The following DLC1 variants were observed in gnomAD, a reference collection of about 807,000 sequenced individuals.
DLC1 encodes the protein DLC1 Rho GTPase activating protein, also known as rho GTPase-activating protein 7.
Under a neutral mutation model 140.3 loss-of-function variants are expected in DLC1, and 54 were observed. That is an observed-to-expected ratio of 0.38 (90% CI 0.31 to 0.48). DLC1 has a LOEUF of 0.48. DLC1 is among the 20% of genes least tolerant of loss of function. The pLI, the probability that DLC1 is intolerant of heterozygous loss-of-function variation, is 0.96. For synonymous variants in DLC1, 986 were observed against 728.1 expected, an observed-to-expected ratio of 1.35 and a Z score of -5.70; for missense variants, 2,536 against 1,907.0, an observed-to-expected ratio of 1.33 and a Z score of -6.14.
At chr8:13,427,354 T>G (rs987475952) in intron 2 of DLC1, among the ~76,000 whole-genome samples, 2 of 152,130 alleles carry the variant, frequency 1.3e-5, no homozygotes, top group African/African-American at 4.8e-5. Context: ...GGACAGCAGC[T>G]CCAGTCCTGA....
Position 13,479,838 on chromosome 8 carries a change from G to GGAAAAGAAAGA in DLC1, c.1023+19210_1023+19211insTCTTTCTTTTC, listed in dbSNP as rs1800617904. Among the ~76,000 whole-genome samples, 2 of 21,730 alleles carry GGAAAAGAAAGA rather than the reference G, an allele frequency of 9.2e-5. 1 individual carries two copies. Among genetic ancestry groups the GGAAAAGAAAGA allele is most frequent in the East Asian group, 2.0e-3 (2 of 1,002 alleles). 14.3% of individuals were successfully genotyped at this position (21,730 alleles called of 152,430 possible). Reference sequence around the variant, plus strand: ...AGAAGAAGAAGAAGAAGAAGAAGAAGAAGAAGAAGAAGAAGAAGAAGAGAA... The same window carrying GGAAAAGAAAGA: ...AGAAGAAGAAGAAGAAGAAGAAGAAGGAAAAGAAAGAAAGAAGAAGAAGAAGAAGAAGAGAA... On this transcript the variant is annotated intron_variant, in intron 2 of 17. Transcript: ENST00000276297.
intron 5 of DLC1, among the ~76,000 whole-genome samples, chr8:13,120,494 T>C (rs1052595500): frequency 3.6e-4 from 54 of 151,630 alleles, no homozygotes; most frequent in Admixed American, 3.1e-3. Flanking sequence ...CCCATGCTTG[T>C]TTTGGGGGGC....
At chr8:13,321,630 G>A (rs1158540338) in intron 4 of DLC1, among the ~76,000 whole-genome samples, 1 of 146,310 alleles carries the variant, frequency 6.8e-6, no homozygotes, top group Non-Finnish European at 1.5e-5. Context: ...ATGAAGCCTT[G>A]TCCTCTTTCC....
intron 5 of DLC1, among the ~76,000 whole-genome samples, chr8:13,214,004 G>A (rs752923852): frequency 5.9e-5 from 9 of 152,074 alleles, no homozygotes; most frequent in Non-Finnish European, 1.2e-4. Context: ...GGCCGCTCTC[G>A]AACTCCTGAT....
At chr8:13,405,231 G>C (rs1331359516) in intron 2 of DLC1, among the ~76,000 whole-genome samples, 1 of 152,104 alleles carries the variant, frequency 6.6e-6, no homozygotes, top group Non-Finnish European at 1.5e-5. Flanking sequence ...GGGTATGACT[G>C]ATCCTGTCAC....
intron 4 of DLC1, among the ~76,000 whole-genome samples, chr8:13,329,034 T>G (rs1833485510): frequency 6.6e-6 from 1 of 152,102 alleles, no homozygotes. Flanking sequence ...GCAAAGACAT[T>G]TATTCATTGA....
At chr8:13,169,295 T>G (rs1299896883) in intron 5 of DLC1, among the ~76,000 whole-genome samples, 2 of 152,226 alleles carry the variant, frequency 1.3e-5, no homozygotes, top group Non-Finnish European at 2.9e-5. Flanking sequence ...CTTTGGAGTT[T>G]GGATATTCAG....
chr8:13,364,385 A>G (rs1835384915), intron 4 of DLC1, among the ~76,000 whole-genome samples: 2 of 150,344 alleles, frequency 1.3e-5, no homozygotes, highest in Non-Finnish European at 2.9e-5. Context: ...TACAATCTCC[A>G]TCTCCCAGGT....
intron 5 of DLC1, among the ~76,000 whole-genome samples, chr8:13,294,213 G>T (rs1441701318): frequency 6.6e-6 from 1 of 152,196 alleles, no homozygotes; most frequent in African/African-American, 2.4e-5. Flanking sequence ...TTTCTGGTTA[G>T]TTTTGCTGTG....
intron 5 of DLC1, among the ~76,000 whole-genome samples, chr8:13,137,699 A>G (rs984365818): frequency 6.7e-6 from 1 of 149,746 alleles, no homozygotes; most frequent in African/African-American, 2.5e-5. Context: ...CCTCTGGTTT[A>G]AAGCAATTCT....
At chr8:13,414,475 A>G (rs956797867) in intron 2 of DLC1, among the ~76,000 whole-genome samples, 20 of 152,148 alleles carry the variant, frequency 1.3e-4, no homozygotes, top group Admixed American at 2.6e-4. Flanking sequence ...TGTTCTTCCT[A>G]TGACTCATCG....
intron 5 of DLC1, among the ~76,000 whole-genome samples, chr8:13,229,283 A>G (rs966789425): frequency 5.9e-5 from 9 of 152,218 alleles, no homozygotes; most frequent in Non-Finnish European, 1.2e-4. Context: ...GATCCACGCT[A>G]CAACATTACG....
intron 5 of DLC1, among the ~76,000 whole-genome samples, chr8:13,281,556 A>G (rs1218490553): frequency 6.6e-6 from 1 of 152,222 alleles, no homozygotes; most frequent in African/African-American, 2.4e-5. Context: ...GATATAATTT[A>G]TACATAAATA....
intron 1 of DLC1, chr8:13,536,079 A>G (rs138373220): frequency 6.6e-6 from 1 of 152,288 alleles, no homozygotes; most frequent in Non-Finnish European, 1.5e-5. Context: ...GCTAAGCAGG[A>G]TTGAGCCTGG....
chr8:13,271,253 C>T (rs1198017647), intron 5 of DLC1, among the ~76,000 whole-genome samples: 1 of 152,188 alleles, frequency 6.6e-6, no homozygotes, highest in Admixed American at 6.5e-5. Flanking sequence ...GAGGAGGCTG[C>T]ATATTTTGAG....
rs1334153722 is a variant in DLC1 at position 13,090,520 on chromosome 8, T to G, written c.3856-50A>C. Reference sequence around the variant, plus strand: ...AGGAGGTGAGTCCACCTGTACTCAATCTCAATGCCCATCAGTGGAAAAGAC... The same window carrying G: ...AGGAGGTGAGTCCACCTGTACTCAAGCTCAATGCCCATCAGTGGAAAAGAC... On this transcript the variant is annotated intron_variant, in intron 14 of 17. Coordinates refer to ENST00000276297, the MANE Select transcript of DLC1 (RefSeq NM_182643.3). 4 of 1,595,084 alleles carry G rather than the reference T, an allele frequency of 2.5e-6. No homozygotes were observed. In the Admixed American group the frequency reaches 5.1e-5, roughly 20 times the overall value.
chr8:13,568,197 T>C (rs1399261897), intron 1 of DLC1: 1 of 394,822 alleles, frequency 2.5e-6, no homozygotes, highest in Non-Finnish European at 4.6e-6. Context: ...CAAAGTAGTA[T>C]GGGGATGTAA....
At chr8:13,494,436 G>C (rs1201785573) in intron 2 of DLC1, among the ~76,000 whole-genome samples, 2 of 152,090 alleles carry the variant, frequency 1.3e-5, no homozygotes, top group African/African-American at 2.4e-5. Context: ...CTGTACACAG[G>C]GTGCGATCAC....
intron 1 of DLC1, among the ~76,000 whole-genome samples, chr8:13,549,796 G>A (rs1454354666): frequency 1.3e-5 from 2 of 152,062 alleles, no homozygotes; most frequent in East Asian, 1.9e-4. Context: ...CATGCATTTG[G>A]ATTTTCAAGG....
Sources: gnomAD v4.1 joint callset for allele counts (sites outside exome capture counted in the v4.1 genomes callset) on GRCh38, gnomAD v4.1.1 for gene constraint, MANE v1.5 for transcripts, NCBI Gene and HGNC (gene_info 2026-07-23, HGNC 2026-07-21) for gene names.